LINGO2: variants seen among roughly 807,000 people sequenced by gnomAD.
LINGO2 encodes leucine-rich repeat and immunoglobulin-like domain-containing nogo receptor-interacting protein 2.
Under a neutral mutation model 30.6 loss-of-function variants are expected in LINGO2, and 14 were observed. The ratio of observed to expected loss-of-function variants is 0.46; its 90% CI spans 0.30 to 0.72. LINGO2 has a LOEUF of 0.72. Among genes scored for constraint, LINGO2 ranks in the 30% least tolerant of loss-of-function variants. The probability of loss-of-function intolerance (pLI) is 0.07; values close to 1 mark genes in which losing one functional copy is unlikely to be tolerated. For missense variants in LINGO2, 729 were observed against 751.7 expected (o/e 0.97, Z 0.35); for synonymous variants, 317 against 288.5 (o/e 1.10, Z -1.00).
intron 2 of LINGO2, among the ~76,000 whole-genome samples, chr9:28,460,701 C>T (rs540663556): frequency 9.2e-5 from 14 of 152,196 alleles, no homozygotes; most frequent in African/African-American, 3.1e-4. Flanking sequence ...AAATTTTACT[C>T]CTCCCTCTGG....
At chr9:29,092,417 C>A in the LINGO2 span, among the ~76,000 whole-genome samples, 1 of 151,708 alleles carries the variant, frequency 6.6e-6, no homozygotes, top group African/African-American at 2.4e-5. Flanking sequence ...AGGTTGTAGA[C>A]ATAAACCAAT....
the LINGO2 span, among the ~76,000 whole-genome samples, chr9:28,675,699 T>G: frequency 2.0e-5 from 3 of 151,396 alleles, no homozygotes; most frequent in South Asian, 2.1e-4. Context: ...GGTGAAACCC[T>G]GTCTCTACTA....
chr9:28,629,180 C>G (rs1587985371), intron 1 of LINGO2, among the ~76,000 whole-genome samples: 1 of 152,024 alleles, frequency 6.6e-6, no homozygotes, highest in East Asian at 1.9e-4. Flanking sequence ...AACAGGAAAC[C>G]AAGCTGATAC....
chr9:28,194,033 A>G (rs978493187), intron 4 of LINGO2, among the ~76,000 whole-genome samples: 9 of 152,156 alleles, frequency 5.9e-5, no homozygotes, highest in Admixed American at 5.2e-4. Context: ...CATTTCTTCT[A>G]CTTTAATCTG....
the LINGO2 span, among the ~76,000 whole-genome samples, chr9:29,001,622 T>C: frequency 6.6e-6 from 1 of 151,990 alleles, no homozygotes; most frequent in East Asian, 1.9e-4. Context: ...GTTTTAATAA[T>C]ATATTAGTTT....
At chr9:28,031,632 A>G (rs1471398022) in intron 4 of LINGO2, among the ~76,000 whole-genome samples, 1 of 152,154 alleles carries the variant, frequency 6.6e-6, no homozygotes, top group Non-Finnish European at 1.5e-5. Context: ...CTGCCACACA[A>G]CATTGGTTTT....
the LINGO2 span, among the ~76,000 whole-genome samples, chr9:29,089,533 C>A: frequency 6.6e-6 from 1 of 152,060 alleles, no homozygotes; most frequent in Non-Finnish European, 1.5e-5. Flanking sequence ...TAAACAATTT[C>A]TTCAACCAAA....
chr9:28,309,604 A>G (rs1675296921), intron 3 of LINGO2, among the ~76,000 whole-genome samples: 1 of 152,038 alleles, frequency 6.6e-6, no homozygotes, highest in Admixed American at 6.6e-5. Flanking sequence ...AAAACAAAAC[A>G]AAAATTAGGG....
At position 28,555,223 on chromosome 9, in the gene LINGO2, G is replaced by A. The variant is rs1587852458; in HGVS notation, c.-364-79198C>T. ...GAATCCAGGAGCTGGTTTTTTGAAA[G>A]GATCAACAAAATTGATAGACCGCTA... On this transcript the variant is annotated intron_variant, in intron 1 of 5. Transcript: ENST00000379992. Among the ~76,000 whole-genome samples the A allele has an allele frequency of 2.2e-5, 3 of 138,490 alleles. No individual in the cohort carries two copies. The South Asian group carries it at 6.9e-4, about 32-fold the overall frequency. 90.9% of individuals were successfully genotyped at this position (138,490 alleles called of 152,430 possible).
At chr9:28,724,416 A>G in the LINGO2 span, among the ~76,000 whole-genome samples, 3 of 152,168 alleles carry the variant, frequency 2.0e-5, no homozygotes, top group Admixed American at 6.6e-5. Flanking sequence ...TCACTCATTC[A>G]GCAACCTGCA....
chr9:28,294,521 G>A (rs1253829693), intron 4 of LINGO2, among the ~76,000 whole-genome samples: 1 of 152,154 alleles, frequency 6.6e-6, no homozygotes, highest in African/African-American at 2.4e-5. Context: ...TTTAATTTAT[G>A]TTGTAGGGGA....
intron 2 of LINGO2, among the ~76,000 whole-genome samples, chr9:28,453,180 A>C (rs1442271702): frequency 1.3e-5 from 2 of 151,942 alleles, no homozygotes; most frequent in Admixed American, 6.6e-5. Flanking sequence ...TGTTCCAACC[A>C]CTATGCTAGT....
At chr9:28,510,029 C>T (rs1820307497) in intron 1 of LINGO2, among the ~76,000 whole-genome samples, 1 of 152,300 alleles carries the variant, frequency 6.6e-6, no homozygotes, top group Non-Finnish European at 1.5e-5. Flanking sequence ...GAGAGAAGAA[C>T]CTTGCTCTCC....
chr9:28,553,038 G>T (rs892973694), intron 1 of LINGO2, among the ~76,000 whole-genome samples: 7 of 151,940 alleles, frequency 4.6e-5, no homozygotes, highest in African/African-American at 1.7e-4. Context: ...GGTATAACAT[G>T]CTTTCTTCAA....
chr9:28,426,811 A>G (rs1258972387), intron 2 of LINGO2, among the ~76,000 whole-genome samples: 2 of 152,032 alleles, frequency 1.3e-5, no homozygotes, highest in African/African-American at 4.8e-5. Flanking sequence ...GGTTGTTTTT[A>G]GAGTGAGAAC....
the LINGO2 span, among the ~76,000 whole-genome samples, chr9:28,685,147 A>C: frequency 2.0e-5 from 3 of 152,196 alleles, no homozygotes; most frequent in African/African-American, 7.2e-5. Context: ...TGTTGCTGCA[A>C]AGAAAATGTT....
At chr9:29,048,964 T>C in the LINGO2 span, among the ~76,000 whole-genome samples, 2 of 151,898 alleles carry the variant, frequency 1.3e-5, no homozygotes, top group Non-Finnish European at 2.9e-5. Context: ...CATGGACAAA[T>C]GGAATCACAT....
At chr9:28,043,214 G>C (rs1357925603) in intron 4 of LINGO2, among the ~76,000 whole-genome samples, 1 of 152,254 alleles carries the variant, frequency 6.6e-6, no homozygotes, top group Admixed American at 6.5e-5. Flanking sequence ...CTGCCTGGCA[G>C]GGGAAACACT....
At chr9:28,195,564 T>G (rs1465756813) in intron 4 of LINGO2, among the ~76,000 whole-genome samples, 1 of 150,744 alleles carries the variant, frequency 6.6e-6, no homozygotes, top group Non-Finnish European at 1.5e-5. Context: ...ATTAAAAGAT[T>G]GATTTTTTTC....
Sources: gnomAD v4.1 joint callset for allele counts (sites outside exome capture counted in the v4.1 genomes callset) on GRCh38, gnomAD v4.1.1 for gene constraint, MANE v1.5 for transcripts, NCBI Gene and HGNC (gene_info 2026-07-23, HGNC 2026-07-21) for gene names.